Variants in ASIC2 observed in about 807,000 individuals in gnomAD.
ASIC2 encodes acid-sensing ion channel 2.
In ASIC2, 25 loss-of-function variants were observed where a neutral mutation model predicts 57.3. That is an observed-to-expected ratio of 0.44 (90% CI 0.32 to 0.61). The LOEUF (loss-of-function observed/expected upper bound fraction) is 0.61. Among genes scored for constraint, ASIC2 ranks in the 20% least tolerant of loss-of-function variants. The probability of loss-of-function intolerance (pLI) is 0.06; values close to 1 mark genes in which losing one functional copy is unlikely to be tolerated. For synonymous variants in ASIC2, 319 were observed against 307.5 expected (o/e 1.04, Z -0.39); for missense variants, 641 against 738.1 (o/e 0.87, Z 1.52).
At chr17:33,465,665 C>T (rs28639522) in intron 1 of ASIC2, among the ~76,000 whole-genome samples, 33,140 of 152,090 alleles carry the variant, frequency 0.22, 3,738 homozygotes, top group Non-Finnish European at 0.24. Flanking sequence ...TGAGCCACCA[C>T]GCCTGGCCTG....
At chr17:34,044,936 T>C (rs767614853) in intron 1 of ASIC2, among the ~76,000 whole-genome samples, 5 of 152,204 alleles carry the variant, frequency 3.3e-5, no homozygotes, top group Non-Finnish European at 7.3e-5. Context: ...ACATACTAAG[T>C]GTCCAAAGAT....
chr17:33,114,539 T>C (rs1462094193), intron 1 of ASIC2, among the ~76,000 whole-genome samples: 4 of 152,228 alleles, frequency 2.6e-5, no homozygotes, highest in Non-Finnish European at 5.9e-5. Flanking sequence ...ATCAGATTAT[T>C]GCAAATTCCA....
At chr17:34,051,506 A>G (rs1468548185) in intron 1 of ASIC2, among the ~76,000 whole-genome samples, 2 of 152,346 alleles carry the variant, frequency 1.3e-5, no homozygotes, top group South Asian at 2.1e-4. Flanking sequence ...AATTGCAAAG[A>G]TAAGTCAGGA....
intron 1 of ASIC2, among the ~76,000 whole-genome samples, chr17:33,208,538 T>C (rs1380276278): frequency 6.6e-6 from 1 of 152,182 alleles, no homozygotes; most frequent in African/African-American, 2.4e-5. Flanking sequence ...CTTTTTCTTT[T>C]TCCTTTAGGT....
chr17:33,860,144 G>C (rs1914067520), intron 1 of ASIC2, among the ~76,000 whole-genome samples: 1 of 152,122 alleles, frequency 6.6e-6, no homozygotes. Context: ...GGAGATTATG[G>C]TGCCTACATT....
chr17:33,224,303 G>A (rs1907796837), intron 1 of ASIC2, among the ~76,000 whole-genome samples: 1 of 152,250 alleles, frequency 6.6e-6, no homozygotes, highest in Admixed American at 6.5e-5. Flanking sequence ...GTAATCTCCA[G>A]CTGTGGCACC....
At chr17:33,307,478 T>A (rs1486300269) in intron 1 of ASIC2, among the ~76,000 whole-genome samples, 3 of 152,036 alleles carry the variant, frequency 2.0e-5, no homozygotes, top group African/African-American at 7.2e-5. Flanking sequence ...CCTGGCTAAT[T>A]TTTGTATTTT....
intron 1 of ASIC2, among the ~76,000 whole-genome samples, chr17:33,409,179 C>T (rs1910570217): frequency 6.6e-6 from 1 of 152,162 alleles, no homozygotes; most frequent in African/African-American, 2.4e-5. Flanking sequence ...CATGCCACTG[C>T]ACTCCAGCCT....
intron 1 of ASIC2, among the ~76,000 whole-genome samples, chr17:33,619,413 G>GA (rs200407198): frequency 4.6e-5 from 7 of 152,054 alleles, no homozygotes; most frequent in African/African-American, 1.7e-4. Flanking sequence ...GTTTTAAGGG[G>GA]AAAAAAGGTG....
rs984531897 is a variant in ASIC2 at position 33,392,676 on chromosome 17, G to C, written c.556-280609C>G. 2.0e-5 allele frequency among the ~76,000 whole-genome samples: 3 copies of C among 152,128 alleles called. No individual in the cohort carries two copies. In the East Asian group the frequency reaches 5.8e-4, roughly 29 times the overall value. On this transcript the variant is annotated intron_variant, in intron 1 of 9. Coordinates refer to the ASIC2 transcript ENST00000359872. ...CACGGTGTCACATGGTCAAGTCACA[G>C]TGAGCTTGAAATTTGCCTCACTGGC...
At chr17:34,125,068 T>C (rs1235509441) in intron 1 of ASIC2, among the ~76,000 whole-genome samples, 1 of 151,608 alleles carries the variant, frequency 6.6e-6, no homozygotes, top group Non-Finnish European at 1.5e-5. Flanking sequence ...TTCCCTTCCC[T>C]TCCAGAGACA....
chr17:33,263,886 T>C (rs1462842452), intron 1 of ASIC2, among the ~76,000 whole-genome samples: 1 of 152,206 alleles, frequency 6.6e-6, no homozygotes, highest in Non-Finnish European at 1.5e-5. Flanking sequence ...TCTCACATGA[T>C]ACCGGCTAAG....
chr17:33,054,359 T>C (rs950021906), intron 3 of ASIC2, among the ~76,000 whole-genome samples: 1 of 152,156 alleles, frequency 6.6e-6, no homozygotes, highest in African/African-American at 2.4e-5. Context: ...CCAAGGTAGC[T>C]TTCCCTCCCT....
intron 3 of ASIC2, among the ~76,000 whole-genome samples, chr17:33,035,368 T>C (rs2091904969): frequency 6.6e-6 from 1 of 152,220 alleles, no homozygotes; most frequent in Non-Finnish European, 1.5e-5. Flanking sequence ...GAGTTTTTGA[T>C]TGTATACTAG....
chr17:33,230,014 C>T (rs1908028093), intron 1 of ASIC2, among the ~76,000 whole-genome samples: 1 of 152,220 alleles, frequency 6.6e-6, no homozygotes, highest in Non-Finnish European at 1.5e-5. Flanking sequence ...GGCCTGTGAA[C>T]TGTGCCAGGC....
chr17:33,032,512 G>A (rs1035882056), intron 3 of ASIC2, among the ~76,000 whole-genome samples: 1 of 141,134 alleles, frequency 7.1e-6, no homozygotes, highest in Non-Finnish European at 1.5e-5. Flanking sequence ...GCAGTGGTGC[G>A]ATCTCTGCTC....
intron 1 of ASIC2, among the ~76,000 whole-genome samples, chr17:33,222,557 C>T (rs1383457271): frequency 1.3e-5 from 2 of 152,150 alleles, no homozygotes; most frequent in African/African-American, 2.4e-5. Context: ...GGTGAATTGG[C>T]ATGCAAATTA....
chr17:33,662,640 TAAATA>T (rs1907311989), intron 1 of ASIC2, among the ~76,000 whole-genome samples: 1 of 134,118 alleles, frequency 7.5e-6, no homozygotes, highest in Non-Finnish European at 1.6e-5. Flanking sequence ...AATAAATAAA[TAAATA>T]AATAAATAAA....
At chr17:33,090,810 G>T (rs1358345328) in intron 2 of ASIC2, among the ~76,000 whole-genome samples, 2 of 152,192 alleles carry the variant, frequency 1.3e-5, no homozygotes, top group Non-Finnish European at 2.9e-5. Context: ...CAGGGGCTAC[G>T]TGGAAAGAAA....
Sources: allele counts gnomAD v4.1 joint callset (sites outside exome capture counted in the v4.1 genomes callset), GRCh38; gene constraint gnomAD v4.1.1; transcripts MANE v1.5; gene names NCBI Gene and HGNC (gene_info 2026-07-23, HGNC 2026-07-21).